ZNF846: variants seen among roughly 807,000 people sequenced by gnomAD.
ZNF846 encodes the protein zinc finger protein 420 pseudogene.
ZNF846 carries 15 observed loss-of-function variants against 16.0 expected under a neutral mutation model. That is an observed-to-expected ratio of 0.94 (90% CI 0.63 to 1.45). ZNF846 has a LOEUF of 1.45. ZNF846 is among the 40% of genes most tolerant of loss of function. The pLI is 0.00. For synonymous variants in ZNF846, 229 were observed against 212.0 expected (o/e 1.08, Z -0.70); for missense variants, 714 against 622.3 (o/e 1.15, Z -1.57).
At chr19:9,784,698 T>C (rs2045540810) in intron 1 of ZNF846, among the ~76,000 whole-genome samples, 1 of 152,146 alleles carries the variant, frequency 6.6e-6, no homozygotes, top group African/African-American at 2.4e-5. Flanking sequence ...GGGGGAAACC[T>C]TGGACAATAC....
chr19:9,754,798 G>A (rs559444359), downstream of ZNF846, among the ~76,000 whole-genome samples: 66 of 150,598 alleles, frequency 4.4e-4, no homozygotes, highest in Non-Finnish European at 8.0e-4. Context: ...TGTTTTTTTA[G>A]TGACATCTTT....
At chr19:9,758,984 C>T (rs944705282) in intron 5 of ZNF846, among the ~76,000 whole-genome samples, 1 of 151,740 alleles carries the variant, frequency 6.6e-6, no homozygotes, top group African/African-American at 2.4e-5. Context: ...GCTTCTTAGA[C>T]AATCTGTCTG....
intron 2 of ZNF846, 150 bp from the exon 3 acceptor site, chr19:9,763,558 G>T: frequency 1.7e-6 from 1 of 581,230 alleles, no homozygotes; most frequent in Non-Finnish European, 2.8e-6. Flanking sequence ...GTCTTGCAAT[G>T]GCATCCAATC....
chr19:9,757,678 T>C, exon 6 of ZNF846: 16 of 1,613,148 alleles, frequency 9.9e-6, no homozygotes, highest in Middle Eastern at 3.3e-4. Flanking sequence ...CGCATGTGCA[T>C]ATTAAGATTT....
downstream of ZNF846, among the ~76,000 whole-genome samples, chr19:9,750,191 T>C (rs748447115): frequency 6.6e-6 from 1 of 152,196 alleles, no homozygotes; most frequent in Non-Finnish European, 1.5e-5. Context: ...CAGTCACTAA[T>C]GCTTAGGAAG....
At chr19:9,757,337 C>T (rs189650326), downstream of ZNF846, 374 of 683,792 alleles carry the variant, frequency 5.5e-4, 9 homozygotes, top group African/African-American at 6.2e-3. Flanking sequence ...CCTTATATCA[C>T]TGGGACTTGT....
intron 1 of ZNF846, among the ~76,000 whole-genome samples, chr19:9,776,730 A>C (rs1439113288): frequency 2.0e-5 from 3 of 152,096 alleles, no homozygotes; most frequent in Non-Finnish European, 4.4e-5. Context: ...GTCGCCACAC[A>C]CAGGGAGAAG....
upstream of ZNF846, among the ~76,000 whole-genome samples, chr19:9,772,705 G>T (rs1004487503): frequency 6.6e-5 from 10 of 151,930 alleles, no homozygotes; most frequent in East Asian, 1.9e-3. Context: ...TAAAATACAA[G>T]ACCACATTAA....
chr19:9,783,218 C>CTTTTTTT (rs74183307), intron 1 of ZNF846, among the ~76,000 whole-genome samples: 8 of 65,408 alleles, frequency 1.2e-4, no homozygotes, highest in Non-Finnish European at 2.3e-4. Flanking sequence ...CCCTATAATT[C>CTTTTTTT]TTTTTTTTTT....
chr19:9,781,331 G>GGCC (rs1274745706), intron 1 of ZNF846, among the ~76,000 whole-genome samples: 2 of 152,014 alleles, frequency 1.3e-5, no homozygotes, highest in Non-Finnish European at 2.9e-5. Context: ...TCACCATGTT[G>GGCC]GCCAGGCTGG....
At chr19:9,759,692 G>A (rs2045191147) in intron 5 of ZNF846, among the ~76,000 whole-genome samples, 168 bp downstream of exon 5, 2 of 151,728 alleles carry the variant, frequency 1.3e-5, no homozygotes, top group African/African-American at 4.9e-5. Context: ...AGATCTCTGA[G>A]AAGAAATATG....
At chr19:9,753,296 G>C (rs961831739), downstream of ZNF846, among the ~76,000 whole-genome samples, 3 of 150,644 alleles carry the variant, frequency 2.0e-5, no homozygotes, top group South Asian at 6.3e-4. Flanking sequence ...CTGTCACCCA[G>C]GCTGGAATGC....
intron 1 of ZNF846, among the ~76,000 whole-genome samples, chr19:9,766,158 G>A (rs1421480693): frequency 2.6e-5 from 4 of 151,866 alleles, no homozygotes; most frequent in Non-Finnish European, 4.4e-5. Context: ...GGTGGCTCAC[G>A]CCTGTAATCC....
At chr19:9,752,475 C>G (rs1409875327), downstream of ZNF846, 5 of 409,154 alleles carry the variant, frequency 1.2e-5, no homozygotes, top group East Asian at 4.0e-4. Context: ...ATTAGCTGAG[C>G]TTGGTGGTGC....
At chr19:9,756,042 T>A (rs2045130807), downstream of ZNF846, 1 of 148,998 alleles carries the variant, frequency 6.7e-6, no homozygotes, top group African/African-American at 2.5e-5. Context: ...GGTTTAACCA[T>A]GTTGGCAGGC....
chr19:9,761,954 A>G, intron 4 of ZNF846, 128 bp downstream of exon 4: 1 of 677,044 alleles, frequency 1.5e-6, no homozygotes, highest in Non-Finnish European at 2.5e-6. Context: ...AAGGAAACCA[A>G]ATGGCCTCAG....
chr19:9,770,867 A>AAAAAAAT (rs1344091861), upstream of ZNF846, among the ~76,000 whole-genome samples: 3 of 152,262 alleles, frequency 2.0e-5, no homozygotes, highest in East Asian at 3.9e-4. Context: ...CAACTGTCTC[A>AAAAAAAT]AAAAAATAAA....
chr19:9,754,589 C>CAAAAAAAAAAAA (rs1203086590), downstream of ZNF846, among the ~76,000 whole-genome samples: 11 of 104,000 alleles, frequency 1.1e-4, no homozygotes, highest in South Asian at 5.8e-4. Flanking sequence ...AAAAAAAAAG[C>CAAAAAAAAAAAA]AAAGGGCAAC....
intron 5 of ZNF846, among the ~76,000 whole-genome samples, 159 bp from the exon 6 acceptor site, chr19:9,758,923 G>A (rs1162359241): frequency 6.6e-6 from 1 of 151,820 alleles, no homozygotes; most frequent in Non-Finnish European, 1.5e-5. Flanking sequence ...GTTAAGTTGA[G>A]TAATAGGACA....
Sources: gnomAD v4.1 joint callset for allele counts (sites outside exome capture counted in the v4.1 genomes callset) on GRCh38, gnomAD v4.1.1 for gene constraint, MANE v1.5 for transcripts, NCBI Gene and HGNC (gene_info 2026-07-23, HGNC 2026-07-21) for gene names.